ABLIM3: variants seen among roughly 807,000 people sequenced by gnomAD.
ABLIM3 encodes actin-binding LIM protein 3.
ABLIM3 carries 61 observed loss-of-function variants against 109.5 expected under a neutral mutation model. The ratio of observed to expected loss-of-function variants is 0.56; its 90% CI spans 0.45 to 0.69. The LOEUF (loss-of-function observed/expected upper bound fraction) is 0.69. Ranked by LOEUF, ABLIM3 falls within the 30% of genes least tolerant of loss-of-function variation. ABLIM3 has a pLI of 0.00. For missense variants in ABLIM3, 796 were observed against 889.5 expected, an observed-to-expected ratio of 0.89 and a Z score of 1.34; for synonymous variants, 300 against 324.8, an observed-to-expected ratio of 0.92 and a Z score of 0.82.
chr5:149,204,563 C>T (rs145306269), intron 5 of ABLIM3, among the ~76,000 whole-genome samples: 15 of 152,336 alleles, frequency 9.8e-5, no homozygotes, highest in African/African-American at 2.6e-4. Flanking sequence ...ACAGGACTAT[C>T]GCTCCTGGCT....
At chr5:149,231,892 G>A (rs1402994334) in intron 9 of ABLIM3, among the ~76,000 whole-genome samples, 1 of 152,098 alleles carries the variant, frequency 6.6e-6, no homozygotes, top group African/African-American at 2.4e-5. Context: ...GTGAAAACCA[G>A]TAATACTTGC....
intron 6 of ABLIM3, among the ~76,000 whole-genome samples, chr5:149,208,922 T>G (rs1218726294): frequency 6.6e-6 from 1 of 152,054 alleles, no homozygotes; most frequent in Non-Finnish European, 1.5e-5. Flanking sequence ...GGGGTAAGAT[T>G]CAAAAATGCA....
intron 2 of ABLIM3, among the ~76,000 whole-genome samples, chr5:149,172,410 C>T (rs1018824614): frequency 1.3e-5 from 2 of 152,114 alleles, no homozygotes; most frequent in African/African-American, 4.8e-5. Flanking sequence ...TGAAAACCAC[C>T]GCCTGCCCCT....
At chr5:149,225,562 A>T (rs58842445) in intron 8 of ABLIM3, among the ~76,000 whole-genome samples, 9,175 of 152,124 alleles carry the variant, frequency 0.06, 905 homozygotes, top group African/African-American at 0.21. Flanking sequence ...AAGATTTTTT[A>T]AAAAAATTTT....
In ABLIM3 at chr5:149,233,402, A is replaced by G. The variant is rs188334728; in HGVS notation, c.888+102A>G. The stretch of plus-strand genomic sequence containing the variant: ...GAGCTCTCAAGTTTTCATCCAGCTG[A>G]CATTTGATGCATGCTCTTCATGTGC... On this transcript the variant is annotated intron_variant, in intron 10 of 23. Transcript: ENST00000309868. 1.6e-5 allele frequency: 19 copies of G among 1,185,196 alleles called. No individual in the cohort carries two copies. The African/African-American group carries it at 2.6e-4, about 16-fold the overall frequency. The allele number at this position is 1,185,196 out of a possible 1,614,324, so 73.4% of individuals were successfully genotyped here.
At chr5:149,212,106 C>T (rs895292706) in intron 7 of ABLIM3, among the ~76,000 whole-genome samples, 1 of 152,094 alleles carries the variant, frequency 6.6e-6, no homozygotes, top group African/African-American at 2.4e-5. Flanking sequence ...GGGTTTTATA[C>T]TCAGTGCAAT....
intron 2 of ABLIM3, among the ~76,000 whole-genome samples, chr5:149,171,382 G>T (rs373535969): frequency 7.2e-5 from 11 of 151,896 alleles, no homozygotes; most frequent in African/African-American, 2.7e-4. Flanking sequence ...TATGTATATT[G>T]CATCTTATTC....
chr5:149,246,674 A>G lies in ABLIM3; in HGVS notation c.1551+128A>G, dbSNP rs540201083. On this transcript the variant is annotated intron_variant, in intron 17 of 23. Transcript: ENST00000309868. ...AGAAAAAAGAAAAGCATAGCTTTGC[A>G]TAACTGAAAAATCAAATGGTGGAAT... 875 of 985,018 alleles carry G rather than the reference A, an allele frequency of 8.9e-4. 1 individual carries two copies. Among genetic ancestry groups the G allele is most frequent in the Admixed American group, 3.0e-3 (88 of 29,708 alleles). The allele number at this position is 985,018 out of a possible 1,614,324, so 61.0% of individuals were successfully genotyped here.
Position 149,141,993 on chromosome 5 carries a change from C to T in ABLIM3, c.-87-16C>T. 1 of 1,552,242 alleles carries T rather than the reference C, an allele frequency of 6.4e-7. No homozygotes were observed. Among genetic ancestry groups the T allele is most frequent in the East Asian group, 2.2e-5 (1 of 44,554 alleles). On this transcript the variant is annotated splice_polypyrimidine_tract_variant and intron_variant, in intron 1 of 23. Coordinates refer to ENST00000309868, the MANE Select transcript of ABLIM3 (RefSeq NM_014945.5). Reference sequence around the variant, plus strand: ...AGGATACAGAGCTGGCACTGGACTGCCTTTTCACCCCCCAGGTGATGAGTG... The same window carrying T: ...AGGATACAGAGCTGGCACTGGACTGTCTTTTCACCCCCCAGGTGATGAGTG...
chr5:149,213,517 C>T (rs1759764625), intron 7 of ABLIM3, among the ~76,000 whole-genome samples: 1 of 152,030 alleles, frequency 6.6e-6, no homozygotes. Flanking sequence ...CTTTGCAGAA[C>T]TGTGGGGAAG....
In ABLIM3 at chr5:149,204,741, A is replaced by G. The variant is rs544972548; in HGVS notation, c.449-2267A>G. ...CACCAGTGTTTTAAGGAAGATATTC[A>G]GATGAGCAAGTCTGGGCTTAGAGAG... On this transcript the variant is annotated intron_variant, in intron 5 of 23. Coordinates refer to ENST00000309868, the MANE Select transcript of ABLIM3 (RefSeq NM_014945.5). Among the ~76,000 whole-genome samples, 9 of 152,382 alleles carry G rather than the reference A, an allele frequency of 5.9e-5. No individual in the cohort carries two copies. In the South Asian group the frequency reaches 8.3e-4, roughly 14 times the overall value.
intron 2 of ABLIM3, among the ~76,000 whole-genome samples, chr5:149,159,641 T>C (rs923818784): frequency 1.3e-5 from 2 of 152,190 alleles, no homozygotes; most frequent in South Asian, 4.1e-4. Flanking sequence ...TCCTGCTAAC[T>C]CTGTGACCTC....
chr5:149,215,734 A>T (rs953053086), intron 7 of ABLIM3, among the ~76,000 whole-genome samples: 3 of 152,146 alleles, frequency 2.0e-5, no homozygotes, highest in Non-Finnish European at 4.4e-5. Flanking sequence ...TTCTTCAAAC[A>T]AGGCCCACCT....
intron 15 of ABLIM3, among the ~76,000 whole-genome samples, chr5:149,243,092 C>T (rs187198161): frequency 1.3e-5 from 2 of 152,284 alleles, no homozygotes; most frequent in African/African-American, 4.8e-5. Context: ...AGGGTGACTT[C>T]CTTCTTTCAT....
At chr5:149,212,699 A>C (rs1426018419) in intron 7 of ABLIM3, among the ~76,000 whole-genome samples, 1 of 152,200 alleles carries the variant, frequency 6.6e-6, no homozygotes, top group Non-Finnish European at 1.5e-5. Context: ...TTTCTGAGGG[A>C]TAGGAAGCCT....
chr5:149,157,902 G>A (rs762635434), intron 2 of ABLIM3, among the ~76,000 whole-genome samples: 2 of 152,066 alleles, frequency 1.3e-5, no homozygotes, highest in Admixed American at 1.3e-4. Context: ...TTTCCACTAG[G>A]TTTCTGTAAA....
chr5:149,176,458 C>T (rs1174748930), intron 2 of ABLIM3, among the ~76,000 whole-genome samples: 1 of 152,156 alleles, frequency 6.6e-6, no homozygotes, highest in Non-Finnish European at 1.5e-5. Flanking sequence ...GGCACTGTTG[C>T]ATTGCAGGCA....
At chr5:149,190,895 C>T (rs534721943) in intron 3 of ABLIM3, among the ~76,000 whole-genome samples, 4 of 151,916 alleles carry the variant, frequency 2.6e-5, no homozygotes, top group South Asian at 2.1e-4. Flanking sequence ...CTCTTGAAAC[C>T]GAAAGATAAC....
At chr5:149,209,870 G>A (rs1759368684) in intron 6 of ABLIM3, among the ~76,000 whole-genome samples, 1 of 152,178 alleles carries the variant, frequency 6.6e-6, no homozygotes, top group Admixed American at 6.5e-5. Flanking sequence ...CCCAGGGTGG[G>A]CCCCCAGCAA....
Sources: gnomAD v4.1 joint callset for allele counts (sites outside exome capture counted in the v4.1 genomes callset) on GRCh38, gnomAD v4.1.1 for gene constraint, MANE v1.5 for transcripts, NCBI Gene and HGNC (gene_info 2026-07-23, HGNC 2026-07-21) for gene names.